Variants in EDN1 observed in about 807,000 individuals in gnomAD.
EDN1 encodes endothelin 1.
A neutral mutation model predicts 21.7 loss-of-function variants in EDN1; 11 were observed. That is an observed-to-expected ratio of 0.51 (90% CI 0.32 to 0.84). EDN1 has a LOEUF of 0.84. EDN1 is among the 40% of genes least tolerant of loss of function. The probability of loss-of-function intolerance (pLI) is 0.03; values close to 1 mark genes in which losing one functional copy is unlikely to be tolerated. For missense variants in EDN1, 244 were observed against 262.3 expected (o/e 0.93, Z 0.48); for synonymous variants, 85 against 90.6 (o/e 0.94, Z 0.35).
At chr6:12,243,145 A>G in the EDN1 span, among the ~76,000 whole-genome samples, 4 of 152,226 alleles carry the variant, frequency 2.6e-5, no homozygotes, top group Non-Finnish European at 4.4e-5. Context: ...TGTATTATAT[A>G]CTGTATTCTT....
At chr6:12,242,013 A>T in the EDN1 span, among the ~76,000 whole-genome samples, 1 of 152,218 alleles carries the variant, frequency 6.6e-6, no homozygotes, top group Non-Finnish European at 1.5e-5. Flanking sequence ...GTAATAGGCT[A>T]TGCATTAATG....
the EDN1 span, among the ~76,000 whole-genome samples, chr6:12,250,608 A>G: frequency 6.6e-6 from 1 of 152,136 alleles, no homozygotes; most frequent in Non-Finnish European, 1.5e-5. Flanking sequence ...GTTCATGCCT[A>G]TATCTGAGCA....
At chr6:12,257,858 T>C in the EDN1 span, among the ~76,000 whole-genome samples, 2 of 152,188 alleles carry the variant, frequency 1.3e-5, no homozygotes, top group African/African-American at 2.4e-5. Flanking sequence ...CAATATTGTA[T>C]GCTGCAGATA....
chr6:12,274,416 C>T, the EDN1 span, among the ~76,000 whole-genome samples: 4 of 152,296 alleles, frequency 2.6e-5, no homozygotes, highest in South Asian at 4.1e-4. Context: ...GGCATATTTA[C>T]TATATCATGG....
chr6:12,280,379 C>A, the EDN1 span, among the ~76,000 whole-genome samples: 1 of 152,164 alleles, frequency 6.6e-6, no homozygotes, highest in African/African-American at 2.4e-5. Flanking sequence ...TTATTAGTAG[C>A]ATATTCTTTT....
the EDN1 span, among the ~76,000 whole-genome samples, chr6:12,269,295 C>T: frequency 6.6e-6 from 1 of 152,122 alleles, no homozygotes; most frequent in Admixed American, 6.5e-5. Flanking sequence ...AGTTTGACTT[C>T]CTCTTTTTCA....
chr6:12,262,401 G>T, the EDN1 span, among the ~76,000 whole-genome samples: 1 of 152,172 alleles, frequency 6.6e-6, no homozygotes, highest in Non-Finnish European at 1.5e-5. Context: ...GCTGAGTTTT[G>T]AGTCAAGGTC....
the EDN1 span, among the ~76,000 whole-genome samples, chr6:12,276,179 A>G: frequency 2.0e-5 from 3 of 151,240 alleles, no homozygotes; most frequent in Non-Finnish European, 4.4e-5. Flanking sequence ...AAAAAAAAAA[A>G]AAAAAAAAGA....
chr6:12,284,764 AAAG>A, the EDN1 span, among the ~76,000 whole-genome samples: 2 of 151,358 alleles, frequency 1.3e-5, no homozygotes, highest in African/African-American at 4.9e-5. Flanking sequence ...AGAAAGAAAG[AAAG>A]AAAGAAAGAA....
chr6:12,248,663 G>A, the EDN1 span, among the ~76,000 whole-genome samples: 1 of 152,188 alleles, frequency 6.6e-6, no homozygotes, highest in African/African-American at 2.4e-5. Context: ...ATTACACTAA[G>A]CTTCAGGAGA....
At chr6:12,292,728 C>G (rs149208216) in intron 2 of EDN1, among the ~76,000 whole-genome samples, 1 of 152,132 alleles carries the variant, frequency 6.6e-6, no homozygotes, top group East Asian at 1.9e-4. Context: ...GCTCAGGCTA[C>G]TCATGATGGG....
In EDN1 at chr6:12,296,140, T is replaced by C; in HGVS notation, c.*73T>C. The C allele has an allele frequency of 2.9e-6, 4 of 1,358,182 alleles. No homozygotes were observed. Among genetic ancestry groups the C allele is most frequent in the Non-Finnish European group, 4.2e-6 (4 of 948,562 alleles). The allele number at this position is 1,358,182 out of a possible 1,614,324, so 84.1% of individuals were successfully genotyped here. ...GTGGCCGACTCTGCACTCTCCACCC[T>C]GGCTGGGATCAGAGCAGGAGCATCC... On this transcript the variant is annotated 3_prime_UTR_variant, in exon 5 of 5. Transcript: ENST00000379375.
intron 2 of EDN1, among the ~76,000 whole-genome samples, chr6:12,292,978 A>G (rs1169462473): frequency 6.6e-6 from 1 of 152,218 alleles, no homozygotes; most frequent in Non-Finnish European, 1.5e-5. Flanking sequence ...TGTTGAAGCC[A>G]TTTGTGCAGG....
At chr6:12,294,440 C>T in intron 4 of EDN1, 36 bp downstream of exon 4, 1 of 1,612,948 alleles carries the variant, frequency 6.2e-7, no homozygotes, top group Non-Finnish European at 8.5e-7. Flanking sequence ...GTAAGAGGTT[C>T]ACAAGAACAA....
chr6:12,238,045 A>C, the EDN1 span, among the ~76,000 whole-genome samples: 1 of 151,874 alleles, frequency 6.6e-6, no homozygotes, highest in African/African-American at 2.4e-5. Flanking sequence ...TGTGGCAGGC[A>C]TCTGTCATCC....
chr6:12,247,043 T>A, the EDN1 span, among the ~76,000 whole-genome samples: 2 of 152,218 alleles, frequency 1.3e-5, no homozygotes, highest in African/African-American at 4.8e-5. Flanking sequence ...TTTTGTAAAC[T>A]ATGAAATCAC....
At position 12,292,147 on chromosome 6, in the gene EDN1, G is replaced by A. The variant is rs200862732; in HGVS notation, c.65-194G>A. Reference sequence around the variant, plus strand: ...AAGGTGGATAAGCCAAGGGCATGAGGGGGAGGCAAAAGGTGAACTCATGTT... The same window carrying A: ...AAGGTGGATAAGCCAAGGGCATGAGAGGGAGGCAAAAGGTGAACTCATGTT... On this transcript the variant is annotated intron_variant, in intron 1 of 4. Coordinates refer to ENST00000379375, the MANE Select transcript of EDN1 (RefSeq NM_001955.5). Among the ~76,000 whole-genome samples the A allele has an allele frequency of 9.4e-5, 14 of 149,702 alleles. No individual in the cohort carries two copies. The East Asian group carries it at 1.9e-3, about 21-fold the overall frequency.
the EDN1 span, among the ~76,000 whole-genome samples, chr6:12,275,431 G>T: frequency 3.3e-5 from 5 of 152,162 alleles, no homozygotes; most frequent in Non-Finnish European, 5.9e-5. Context: ...CATTAAAATA[G>T]ACACCTTTTA....
chr6:12,288,776 T>C (rs1762607829), upstream of EDN1, among the ~76,000 whole-genome samples: 1 of 152,178 alleles, frequency 6.6e-6, no homozygotes, highest in Non-Finnish European at 1.5e-5. Flanking sequence ...ACTGTCCTTT[T>C]GATTTTAGAA....
Sources: allele counts gnomAD v4.1 joint callset (sites outside exome capture counted in the v4.1 genomes callset), GRCh38; gene constraint gnomAD v4.1.1; transcripts MANE v1.5; gene names NCBI Gene and HGNC (gene_info 2026-07-23, HGNC 2026-07-21).